Variants in CUX1 observed in about 807,000 individuals in gnomAD.
CUX1 encodes the protein protein CASP.
Under a neutral mutation model 158.8 loss-of-function variants are expected in CUX1, and 31 were observed. That is an observed-to-expected ratio of 0.20 (90% CI 0.15 to 0.26). The LOEUF is 0.26. Ranked by LOEUF, CUX1 falls within the 10% of genes least tolerant of loss-of-function variation. CUX1 has a pLI of 1.00. For synonymous variants in CUX1, 879 were observed against 862.1 expected (o/e 1.02, Z -0.34); for missense variants, 1,589 against 2,014.6 (o/e 0.79, Z 4.04).
intron 11 of CUX1, among the ~76,000 whole-genome samples, chr7:102,188,107 G>A (rs1189865285): frequency 6.6e-6 from 1 of 152,050 alleles, no homozygotes; most frequent in Non-Finnish European, 1.5e-5. Context: ...GCTGAGGCAG[G>A]AGGATCACTT....
rs192433206 is a variant in CUX1, at chr7:102,140,963, A to G, written c.675-17597A>G. Among the ~76,000 whole-genome samples, 4 of 151,698 alleles carry G rather than the reference A, an allele frequency of 2.6e-5. No homozygotes were observed. In the East Asian group the frequency reaches 5.8e-4, roughly 22 times the overall value. On this transcript the variant is annotated intron_variant, in intron 8 of 23. Coordinates refer to ENST00000292535, the MANE Select transcript of CUX1 (RefSeq NM_181552.4). ...AATTAACCTTTCTATTTTTTTCGCTACGTCTAAGTATTGTGAACTTCCTTT... is the reference window on the plus strand; with the variant it reads ...AATTAACCTTTCTATTTTTTTCGCTGCGTCTAAGTATTGTGAACTTCCTTT...
intron 2 of CUX1, among the ~76,000 whole-genome samples, chr7:101,982,012 A>G (rs1813511148): frequency 6.6e-6 from 1 of 152,200 alleles, no homozygotes. Flanking sequence ...AAGATGGCCT[A>G]AAATAAGCAA....
rs1798307442 is a variant in CUX1 at position 101,869,925 on chromosome 7, G to C, written c.31-46190G>C. On this transcript the variant is annotated intron_variant, in intron 1 of 23. Coordinates refer to ENST00000292535, the MANE Select transcript of CUX1 (RefSeq NM_181552.4). This position sits in a 1 kb window ranked among gnomAD's most constrained non-coding sequence, Gnocchi z 4.5. ...GCAGCTTGTCTGCCATCCCCTTCCAGGTGCCCCGCAGAACCACCACCCTTG... is the reference window on the plus strand; with the variant it reads ...GCAGCTTGTCTGCCATCCCCTTCCACGTGCCCCGCAGAACCACCACCCTTG... Among the ~76,000 whole-genome samples, 1 of 152,026 alleles carries C rather than the reference G, an allele frequency of 6.6e-6. No individual in the cohort carries two copies.
intron 8 of CUX1, among the ~76,000 whole-genome samples, chr7:102,147,391 G>C (rs1305958008): frequency 6.6e-6 from 1 of 152,198 alleles, no homozygotes; most frequent in African/African-American, 2.4e-5. Flanking sequence ...TGTTGGGCAC[G>C]GGGATGAGTG....
intron 2 of CUX1, among the ~76,000 whole-genome samples, chr7:102,013,052 T>C (rs963331971): frequency 6.6e-6 from 1 of 151,678 alleles, no homozygotes; most frequent in Admixed American, 6.6e-5. Context: ...GTAGCAAGAA[T>C]GTAAATAGCT....
chr7:102,060,708 G>T (rs1824743074), intron 3 of CUX1, among the ~76,000 whole-genome samples: 1 of 150,602 alleles, frequency 6.6e-6, no homozygotes, highest in Admixed American at 6.7e-5. Context: ...CACCTTCTGG[G>T]TTCAAGCAAT....
intron 20 of CUX1, among the ~76,000 whole-genome samples, chr7:102,222,606 T>C (rs781847283): frequency 1.8e-4 from 27 of 152,068 alleles, no homozygotes; most frequent in Non-Finnish European, 3.4e-4. Context: ...GTGGATCAGC[T>C]TTTTGTGACT....
chr7:102,282,784 C>A, intron 22 of CUX1: 1 of 1,605,106 alleles, frequency 6.2e-7, no homozygotes, highest in Non-Finnish European at 8.5e-7. Context: ...GAAGTGAGGA[C>A]CCCCACTTGG....
chr7:102,075,706 A>G (rs1826631174), intron 4 of CUX1, among the ~76,000 whole-genome samples: 1 of 152,246 alleles, frequency 6.6e-6, no homozygotes, highest in Non-Finnish European at 1.5e-5. Flanking sequence ...GCAGAGCACT[A>G]AGACAAGTCA....
chr7:102,283,146 G>A (rs1296069), exon 23 of CUX1: 3 of 1,395,030 alleles, frequency 2.2e-6, no homozygotes, highest in South Asian at 2.3e-5. Context: ...CGACTGCTCA[G>A]TGCATCTAAT....
chr7:102,158,576 A>G lies in CUX1; in HGVS notation c.691A>G (p.Met231Val). The G allele has an allele frequency of 1.2e-6, 2 of 1,613,754 alleles. No individual in the cohort carries two copies. Among genetic ancestry groups the G allele is most frequent in the Non-Finnish European group, 1.7e-6 (2 of 1,179,850 alleles). Residue 231 changes from methionine to valine, a missense_variant, in exon 9 of 24, where the codon ATG becomes GTG. Physicochemically the swap from Met to Val is conservative, Grantham distance 21. This residue lies in a region of CUX1 where 515 missense variants were observed against 574.4 expected (regional missense o/e 0.90). Transcript: ENST00000292535. ...CCCTCCTAGGGCCGACGAGATTGAA[A>G]TGATCATGACGGACCTTGAAAGGGC... Reference protein sequence around the residue: ...ETTAKADEIEMIMTDLERANQ... With the variant: ...ETTAKADEIEVIMTDLERANQ...
At chr7:102,275,735 G>T (rs550488228) in intron 17 of CUX1, among the ~76,000 whole-genome samples, 13 of 152,302 alleles carry the variant, frequency 8.5e-5, no homozygotes, top group African/African-American at 2.9e-4. Flanking sequence ...TGAGCCAGGT[G>T]CGGTGGCTCA....
intron 9 of CUX1, among the ~76,000 whole-genome samples, chr7:102,166,570 C>A (rs1208883098): frequency 6.6e-6 from 1 of 152,148 alleles, no homozygotes. Flanking sequence ...AGTGTCACCA[C>A]ACGCCGACCC....
At chr7:102,226,878 G>C (rs782187624) in intron 20 of CUX1, among the ~76,000 whole-genome samples, 1 of 152,126 alleles carries the variant, frequency 6.6e-6, no homozygotes, top group Non-Finnish European at 1.5e-5. Flanking sequence ...TGATCCACTC[G>C]CCCAGCCACA....
intron 21 of CUX1, among the ~76,000 whole-genome samples, chr7:102,228,658 G>T (rs1186921937): frequency 6.6e-6 from 1 of 152,130 alleles, no homozygotes; most frequent in Non-Finnish European, 1.5e-5. Flanking sequence ...AATTAGCCGG[G>T]TATGGTGGTG....
chr7:101,854,286 C>T (rs918941083), intron 1 of CUX1, among the ~76,000 whole-genome samples: 7 of 152,110 alleles, frequency 4.6e-5, no homozygotes, highest in African/African-American at 1.7e-4. Context: ...GCCTTCTAGC[C>T]GGGCTGCCAG....
chr7:102,142,488 G>A (rs1834564807), intron 8 of CUX1, among the ~76,000 whole-genome samples: 1 of 152,204 alleles, frequency 6.6e-6, no homozygotes, highest in African/African-American at 2.4e-5. Context: ...GGCCAGGTGT[G>A]GTAGTTCACA....
intron 8 of CUX1, among the ~76,000 whole-genome samples, chr7:102,138,332 C>T (rs1554499280): frequency 1.3e-5 from 2 of 151,976 alleles, no homozygotes. Context: ...ACTTAAATTT[C>T]TCTTTATTGT....
intron 14 of CUX1, 32 bp from the exon 15 acceptor site, chr7:102,196,602 C>T (rs782512889): frequency 6.4e-5 from 96 of 1,501,616 alleles, no homozygotes; most frequent in Non-Finnish European, 8.3e-5. Context: ...TTGGAATCCC[C>T]CATAATGCAT....
Sources: allele counts gnomAD v4.1 joint callset (sites outside exome capture counted in the v4.1 genomes callset), GRCh38; gene constraint gnomAD v4.1.1; regional missense constraint gnomAD v4.1.1; non-coding constraint Gnocchi (gnomAD v3.1); transcripts MANE v1.5; gene names NCBI Gene and HGNC (gene_info 2026-07-23, HGNC 2026-07-21).